The following DIP2B variants were observed in gnomAD, a reference collection of about 807,000 sequenced individuals.
The protein encoded by DIP2B is DIP2 acetate--CoA ligase B (putative).
In DIP2B, 76 loss-of-function variants were observed where a neutral mutation model predicts 198.0. The observed-to-expected ratio is 0.38, with a 90% confidence interval of 0.32 to 0.46. DIP2B has a LOEUF of 0.46. Among genes scored for constraint, DIP2B ranks in the 20% least tolerant of loss-of-function variants. The probability of loss-of-function intolerance (pLI) is 0.99; values close to 1 mark genes in which losing one functional copy is unlikely to be tolerated. For synonymous variants in DIP2B, 701 were observed against 739.1 expected (o/e 0.95, Z 0.84); for missense variants, 1,559 against 1,978.4 (o/e 0.79, Z 4.02).
intron 1 of DIP2B, among the ~76,000 whole-genome samples, chr12:50,616,881 C>T (rs1170012676): frequency 2.0e-5 from 3 of 152,186 alleles, no homozygotes; most frequent in Non-Finnish European, 4.4e-5. Context: ...ACATCCTCTG[C>T]CTTTTTCAGC....
intron 12 of DIP2B, among the ~76,000 whole-genome samples, chr12:50,689,332 G>A (rs753369992): frequency 6.6e-6 from 1 of 152,054 alleles, no homozygotes; most frequent in Non-Finnish European, 1.5e-5. Context: ...AGTGAGCCAT[G>A]ATCGTGCCAC....
chr12:50,605,153 C>A (rs970866555), intron 1 of DIP2B, among the ~76,000 whole-genome samples: 8 of 152,126 alleles, frequency 5.3e-5, no homozygotes, highest in South Asian at 4.1e-4. Flanking sequence ...GTTTAAAAAA[C>A]CCCCAACTTT....
At chr12:50,721,468 C>T in intron 26 of DIP2B, 72 bp downstream of exon 26, 2 of 1,587,112 alleles carry the variant, frequency 1.3e-6, no homozygotes, top group Non-Finnish European at 8.6e-7. Context: ...AAAGGATAGG[C>T]ACTCAGAGCT....
chr12:50,704,203 C>G lies in DIP2B; in HGVS notation c.2389C>G (p.Leu797Val), dbSNP rs748596151. 1 of 1,610,924 alleles carries G rather than the reference C, an allele frequency of 6.2e-7. No homozygotes were observed. Among genetic ancestry groups the G allele is most frequent in the South Asian group, 1.1e-5 (1 of 90,280 alleles). The change falls in exon 20 of 38, where the codon CTG (leucine) becomes GTG (valine). Residue 797 changes from leucine to valine, a missense_variant. Leu to Val is a conservative substitution (Grantham distance 32). Coordinates refer to ENST00000301180, the MANE Select transcript of DIP2B (RefSeq NM_173602.3). Reference sequence around the variant, plus strand: ...TGTGCCATTCATCCGATCAGGATTGCTGGGGTTTGTAGGGCCGGTAAGTGA... The same window carrying G: ...TGTGCCATTCATCCGATCAGGATTGGTGGGGTTTGTAGGGCCGGTAAGTGA... ...GDVPFIRSGL[L>V]GFVGPGSLVF...
intron 6 of DIP2B, among the ~76,000 whole-genome samples, chr12:50,674,950 G>A (rs983327480): frequency 5.9e-5 from 9 of 152,164 alleles, no homozygotes; most frequent in African/African-American, 1.9e-4. Context: ...AGATCATGAG[G>A]TCAGGAGATC....
intron 5 of DIP2B, 73 bp from the exon 6 acceptor site, chr12:50,674,401 A>G (rs1938908651): frequency 1.9e-6 from 3 of 1,559,380 alleles, no homozygotes; most frequent in Non-Finnish European, 2.6e-6. Context: ...TTGTTAAAAA[A>G]CAAAACCCCA....
At chr12:50,678,499 A>G (rs1055627630) in intron 7 of DIP2B, among the ~76,000 whole-genome samples, 180 bp from the exon 8 acceptor site, 5 of 152,218 alleles carry the variant, frequency 3.3e-5, no homozygotes, top group African/African-American at 1.2e-4. Flanking sequence ...TTCACATTTA[A>G]GTGGAAAATT....
intron 1 of DIP2B, among the ~76,000 whole-genome samples, chr12:50,511,946 C>CAAA (rs1294473966): frequency 1.9e-3 from 49 of 26,480 alleles, no homozygotes; most frequent in Middle Eastern, 0.033. Flanking sequence ...GACTCCGTCT[C>CAAA]AAAAAAAAAA....
At chr12:50,671,691 C>A (rs1938858059) in intron 5 of DIP2B, among the ~76,000 whole-genome samples, 1 of 152,116 alleles carries the variant, frequency 6.6e-6, no homozygotes, top group Non-Finnish European at 1.5e-5. Flanking sequence ...TGGAGTTATC[C>A]CAGCTGAAGA....
chr12:50,505,553 G>A (rs1183673887), intron 1 of DIP2B, among the ~76,000 whole-genome samples: 1 of 152,126 alleles, frequency 6.6e-6, no homozygotes, highest in Non-Finnish European at 1.5e-5. Flanking sequence ...CTGCCCAGGC[G>A]TCTGGCCCAG....
At chr12:50,561,743 G>T (rs1191126797) in intron 1 of DIP2B, among the ~76,000 whole-genome samples, 1 of 152,188 alleles carries the variant, frequency 6.6e-6, no homozygotes, top group Non-Finnish European at 1.5e-5. Flanking sequence ...GAGTAGCTGG[G>T]ATTACAGGCG....
At chr12:50,538,207 C>G (rs1958287267) in intron 1 of DIP2B, among the ~76,000 whole-genome samples, 1 of 152,014 alleles carries the variant, frequency 6.6e-6, no homozygotes, top group Non-Finnish European at 1.5e-5. Flanking sequence ...CTGCTGTTCT[C>G]TCCTTCTCTA....
At chr12:50,506,613 G>A (rs1390258995) in intron 1 of DIP2B, among the ~76,000 whole-genome samples, 1 of 152,128 alleles carries the variant, frequency 6.6e-6, no homozygotes, top group East Asian at 1.9e-4. Context: ...CCAGTCCCGG[G>A]AATCACTGGT....
rs561774885 is a variant in DIP2B at position 50,564,180 on chromosome 12, C to T, written c.100+58940C>T. Among the ~76,000 whole-genome samples the T allele has an allele frequency of 8.5e-5, 13 of 152,132 alleles. No homozygotes were observed. In the South Asian group the frequency reaches 2.7e-3, roughly 32 times the overall value. ...TAAATGGTACTGTATTCTCTTGGTA[C>T]TATTTAGGGACTGTGTTGCTGTGTA... On this transcript the variant is annotated intron_variant, in intron 1 of 37. Coordinates refer to ENST00000301180, the MANE Select transcript of DIP2B (RefSeq NM_173602.3).
At chr12:50,716,965 T>TTTTTTTTTTTTTTTTTG (rs1939734964) in intron 23 of DIP2B, among the ~76,000 whole-genome samples, 1 of 125,512 alleles carries the variant, frequency 8.0e-6, no homozygotes. Context: ...TTGCTTTTTT[T>TTTTTTTTTTTTTTTTTG]TTTTTTTTTT....
chr12:50,596,572 G>C (rs1313631475), intron 1 of DIP2B, among the ~76,000 whole-genome samples: 8 of 152,180 alleles, frequency 5.3e-5, no homozygotes. Context: ...AATTAAAATA[G>C]ACAGAATTCA....
intron 7 of DIP2B, among the ~76,000 whole-genome samples, chr12:50,678,015 C>T (rs1938977583): frequency 6.6e-6 from 1 of 150,826 alleles, no homozygotes; most frequent in South Asian, 2.1e-4. Flanking sequence ...GAATGGTTCC[C>T]AGAGAATGTG....
intron 3 of DIP2B, chr12:50,655,122 T>C (rs1938532514): frequency 7.5e-6 from 3 of 399,752 alleles, no homozygotes; most frequent in Non-Finnish European, 1.5e-5. Flanking sequence ...TAGAAACATC[T>C]ACATGCCCAG....
intron 4 of DIP2B, among the ~76,000 whole-genome samples, chr12:50,663,078 A>G (rs182935089): frequency 6.6e-5 from 10 of 152,044 alleles, no homozygotes; most frequent in African/African-American, 1.9e-4. Context: ...CATTCAGTCC[A>G]GCCTGGGTGA....
Sources: gnomAD v4.1 joint callset for allele counts (sites outside exome capture counted in the v4.1 genomes callset) on GRCh38, gnomAD v4.1.1 for gene constraint, MANE v1.5 for transcripts, NCBI Gene and HGNC (gene_info 2026-07-23, HGNC 2026-07-21) for gene names.